Variants in ANKRD44 observed in about 807,000 individuals in gnomAD.
The protein encoded by ANKRD44 is serine/threonine-protein phosphatase 6 regulatory ankyrin repeat subunit B.
ANKRD44 carries 35 observed loss-of-function variants against 116.0 expected under a neutral mutation model. That is an observed-to-expected ratio of 0.30 (90% CI 0.23 to 0.40). The LOEUF is 0.40. Ranked by LOEUF, ANKRD44 falls within the 10% of genes least tolerant of loss-of-function variation. ANKRD44 has a pLI of 1.00. For synonymous variants in ANKRD44, 435 were observed against 461.8 expected (o/e 0.94, Z 0.74); for missense variants, 1,014 against 1,242.6 (o/e 0.82, Z 2.77).
intron 1 of ANKRD44, among the ~76,000 whole-genome samples, chr2:197,297,226 C>T (rs2083749730): frequency 1.3e-5 from 2 of 152,102 alleles, no homozygotes; most frequent in Admixed American, 1.3e-4. Context: ...AATGTAATTC[C>T]TAAAGCTGTA....
chr2:197,028,891 T>C (rs1310671463), intron 16 of ANKRD44: 1 of 170,860 alleles, frequency 5.9e-6, no homozygotes, highest in African/African-American at 2.4e-5. Flanking sequence ...CCCCTTCTCA[T>C]GTGATTTAGT....
At chr2:196,981,698 T>C (rs1377502940), downstream of ANKRD44, among the ~76,000 whole-genome samples, 2 of 152,118 alleles carry the variant, frequency 1.3e-5, no homozygotes, top group African/African-American at 4.8e-5. Flanking sequence ...GAGAATCGCT[T>C]GACCCTGGAG....
chr2:197,248,802 T>C (rs1024771862), intron 1 of ANKRD44, among the ~76,000 whole-genome samples: 1 of 152,028 alleles, frequency 6.6e-6, no homozygotes, highest in African/African-American at 2.4e-5. Context: ...GGTGTCCATG[T>C]GGCAGGAGAT....
chr2:196,975,720 G>A (rs1323506636), intron 21 of ANKRD44, among the ~76,000 whole-genome samples: 2 of 150,770 alleles, frequency 1.3e-5, no homozygotes, highest in Non-Finnish European at 3.0e-5. Context: ...CCTGGGAGCT[G>A]GAGGTTGCAG....
At chr2:197,309,276 C>T (rs1240225330) in intron 1 of ANKRD44, among the ~76,000 whole-genome samples, 2 of 152,206 alleles carry the variant, frequency 1.3e-5, no homozygotes, top group Non-Finnish European at 2.9e-5. Context: ...CTTTTAAATG[C>T]TCTGGAACCA....
chr2:197,296,554 C>T (rs557928795), intron 1 of ANKRD44: 26 of 152,256 alleles, frequency 1.7e-4, no homozygotes, highest in African/African-American at 6.3e-4. Flanking sequence ...ATCTCCTTCC[C>T]GCTCCTAATT....
chr2:197,154,590 T>A (rs2079759893), intron 2 of ANKRD44, among the ~76,000 whole-genome samples: 1 of 152,212 alleles, frequency 6.6e-6, no homozygotes, highest in African/African-American at 2.4e-5. Context: ...AATTTGGTTA[T>A]TAGTCTTTTC....
At chr2:197,279,035 G>A (rs751956590) in intron 1 of ANKRD44, among the ~76,000 whole-genome samples, 16 of 152,286 alleles carry the variant, frequency 1.1e-4, no homozygotes, top group African/African-American at 2.2e-4. Flanking sequence ...CAGACTAAGC[G>A]GGTTTTTCTT....
chr2:197,077,406 C>T (rs2077693536), intron 16 of ANKRD44, among the ~76,000 whole-genome samples: 1 of 152,116 alleles, frequency 6.6e-6, no homozygotes, highest in Non-Finnish European at 1.5e-5. Context: ...CTAATCCATC[C>T]ACAGTTAGGT....
intron 2 of ANKRD44, among the ~76,000 whole-genome samples, chr2:197,151,080 A>AC (rs1676647548): frequency 1.4e-5 from 2 of 139,214 alleles, no homozygotes; most frequent in African/African-American, 5.3e-5. Flanking sequence ...CTGGGAATTT[A>AC]CTTTTTTTTT....
intron 1 of ANKRD44, among the ~76,000 whole-genome samples, chr2:197,299,282 A>C (rs1303776908): frequency 6.6e-6 from 1 of 152,094 alleles, no homozygotes; most frequent in Non-Finnish European, 1.5e-5. Context: ...TTTAACAAAT[A>C]TGTATAAGAT....
At chr2:197,089,604 T>C (rs2077997853) in intron 11 of ANKRD44, among the ~76,000 whole-genome samples, 1 of 152,230 alleles carries the variant, frequency 6.6e-6, no homozygotes, top group Admixed American at 6.5e-5. Flanking sequence ...AAATATTAAA[T>C]GCTAAACCAT....
chr2:197,200,243 T>TAGG (rs1189150756), intron 1 of ANKRD44, among the ~76,000 whole-genome samples: 6 of 152,126 alleles, frequency 3.9e-5, no homozygotes, highest in Non-Finnish European at 8.8e-5. Flanking sequence ...CATAATATTC[T>TAGG]AGGAGCCTTC....
At chr2:197,124,338 T>A (rs1453609410) in intron 6 of ANKRD44, among the ~76,000 whole-genome samples, 1 of 152,128 alleles carries the variant, frequency 6.6e-6, no homozygotes, top group Non-Finnish European at 1.5e-5. Context: ...CACATATGCT[T>A]GTTAAAAAGG....
At chr2:197,096,925 C>T (rs996890186) in intron 10 of ANKRD44, among the ~76,000 whole-genome samples, 1 of 152,094 alleles carries the variant, frequency 6.6e-6, no homozygotes, top group African/African-American at 2.4e-5. Context: ...CCTAAGGAAC[C>T]ATTGTCACTG....
chr2:197,111,516 G>A (rs938579586), intron 8 of ANKRD44, among the ~76,000 whole-genome samples: 5 of 152,050 alleles, frequency 3.3e-5, no homozygotes, highest in African/African-American at 1.2e-4. Flanking sequence ...GCGCATGCCT[G>A]TAATCCCAGC....
At chr2:197,123,674 C>T (rs1032202706) in intron 6 of ANKRD44, among the ~76,000 whole-genome samples, 8 of 152,102 alleles carry the variant, frequency 5.3e-5, no homozygotes, top group South Asian at 2.1e-4. Context: ...GCATATTTGA[C>T]CTTTATTTCG....
intron 1 of ANKRD44, among the ~76,000 whole-genome samples, chr2:197,245,209 G>A (rs528764058): frequency 2.6e-5 from 4 of 152,212 alleles, no homozygotes; most frequent in African/African-American, 7.2e-5. Context: ...GCAGTGAGCC[G>A]AGATTGTGCC....
At chr2:196,984,784 T>C (rs971594861), downstream of ANKRD44, among the ~76,000 whole-genome samples, 2 of 152,186 alleles carry the variant, frequency 1.3e-5, no homozygotes, top group Admixed American at 6.5e-5. Context: ...TAGCAATGAC[T>C]GGGAAGAAGG....
Sources: gnomAD v4.1 joint callset for allele counts (sites outside exome capture counted in the v4.1 genomes callset) on GRCh38, gnomAD v4.1.1 for gene constraint, MANE v1.5 for transcripts, NCBI Gene and HGNC (gene_info 2026-07-23, HGNC 2026-07-21) for gene names.